RALGPS1: variants seen among roughly 807,000 people sequenced by gnomAD.
The protein encoded by RALGPS1 is ras-specific guanine nucleotide-releasing factor RalGPS1.
In RALGPS1, 19 loss-of-function variants were observed where a neutral mutation model predicts 78.8. That is an observed-to-expected ratio of 0.24 (90% confidence interval 0.17 to 0.35). The LOEUF (loss-of-function observed/expected upper bound fraction) is 0.35. Ranked by LOEUF, RALGPS1 falls within the 10% of genes least tolerant of loss-of-function variation. The pLI is 1.00. For synonymous variants in RALGPS1, 228 were observed against 256.3 expected, an observed-to-expected ratio of 0.89 and a Z score of 1.06; for missense variants, 454 against 688.3, an observed-to-expected ratio of 0.66 and a Z score of 3.81.
At chr9:127,043,139 G>C (rs1157254538) in intron 5 of RALGPS1, among the ~76,000 whole-genome samples, 1 of 152,092 alleles carries the variant, frequency 6.6e-6, no homozygotes, top group Non-Finnish European at 1.5e-5. Context: ...CAAAATCCTA[G>C]AAAGCTGTTT....
chr9:126,954,820 C>T (rs887643610), intron 1 of RALGPS1, among the ~76,000 whole-genome samples: 2 of 152,138 alleles, frequency 1.3e-5, no homozygotes, highest in Admixed American at 1.3e-4. Context: ...AAAGGAAGAA[C>T]CTCTCTAGCA....
intron 4 of RALGPS1, among the ~76,000 whole-genome samples, chr9:127,024,036 C>CAAAAAAAAAAAA (rs61549879): frequency 1.7e-4 from 12 of 71,634 alleles, no homozygotes; most frequent in East Asian, 1.5e-3. Context: ...GACTCTGTCT[C>CAAAAAAAAAAAA]AAAAAAAAAA....
At position 127,091,438 on chromosome 9, in the gene RALGPS1, C is replaced by G. The variant is rs1362321157; in HGVS notation, c.610+22082C>G. 6.6e-6 allele frequency among the ~76,000 whole-genome samples: 1 copy of G among 152,110 alleles called. No individual in the cohort carries two copies. The highest frequency in any genetic ancestry group is 1.5e-5 in the Non-Finnish European group (1 of 67,974). On this transcript the variant is annotated intron_variant, in intron 8 of 18. Transcript: ENST00000259351. The surrounding 1 kb of genome is among the most constrained non-coding windows in gnomAD (Gnocchi z 4.3). ...TTTGTATACCTCTTTATGTCTCGCC[C>G]CATCCCATTTTTTTTTTCTTAATTT...
intron 1 of RALGPS1, among the ~76,000 whole-genome samples, chr9:126,942,169 T>C (rs2036852722): frequency 6.6e-6 from 1 of 152,220 alleles, no homozygotes; most frequent in African/African-American, 2.4e-5. Context: ...AAACACCCTT[T>C]TCCCAGTTTA....
intron 1 of RALGPS1, among the ~76,000 whole-genome samples, chr9:126,932,688 A>G (rs2035895987): frequency 6.6e-6 from 1 of 151,974 alleles, no homozygotes; most frequent in South Asian, 2.1e-4. Context: ...TATATAATGT[A>G]CATTATAAAA....
intron 1 of RALGPS1, among the ~76,000 whole-genome samples, chr9:126,946,589 A>G (rs1776536039): frequency 1.3e-5 from 2 of 151,584 alleles, no homozygotes; most frequent in Admixed American, 6.6e-5. Flanking sequence ...GGAAAAGGAA[A>G]TGGGGGGTTG....
chr9:127,179,825 C>T (rs1379281534), intron 11 of RALGPS1, among the ~76,000 whole-genome samples: 1 of 152,198 alleles, frequency 6.6e-6, no homozygotes, highest in African/African-American at 2.4e-5. Flanking sequence ...ACCCCTCTAC[C>T]CAGCCTACCT....
chr9:127,126,962 C>T (rs2056660179), intron 8 of RALGPS1, among the ~76,000 whole-genome samples: 1 of 152,092 alleles, frequency 6.6e-6, no homozygotes, highest in Non-Finnish European at 1.5e-5. Flanking sequence ...TCTGTATTTT[C>T]TTGTCTTCCT....
At chr9:127,020,397 A>C (rs1046865156) in intron 4 of RALGPS1, among the ~76,000 whole-genome samples, 2 of 152,256 alleles carry the variant, frequency 1.3e-5, no homozygotes, top group Admixed American at 1.3e-4. Flanking sequence ...ATGAGGATCA[A>C]CATTAAGAAA....
chr9:127,146,084 CTT>C (rs1276610344), intron 8 of RALGPS1, among the ~76,000 whole-genome samples: 2 of 152,120 alleles, frequency 1.3e-5, no homozygotes, highest in East Asian at 3.8e-4. Context: ...AAATTTCAAA[CTT>C]TTATTTTAGA....
chr9:127,211,051 G>A lies in RALGPS1; in HGVS notation c.1248-1080G>A, dbSNP rs1343274075. 1.3e-5 allele frequency among the ~76,000 whole-genome samples: 2 copies of A among 152,222 alleles called. No homozygotes were observed. Among genetic ancestry groups the A allele is most frequent in the Non-Finnish European group, 2.9e-5 (2 of 68,046 alleles). On this transcript the variant is annotated intron_variant, in intron 14 of 18. Transcript: ENST00000259351. The surrounding 1 kb of genome is among the most constrained non-coding windows in gnomAD (Gnocchi z 5.0). ...TCGCCAAATAATTGGAAGTGGAGGG[G>A]CAATGAGAATGTTCCCAGCAAAGGG...
At position 126,973,314 on chromosome 9, in the gene RALGPS1, C is replaced by A. The variant is rs530087936; in HGVS notation, c.166-4381C>A. Among the ~76,000 whole-genome samples the A allele has an allele frequency of 3.0e-4, 46 of 152,234 alleles. 1 individual carries two copies. The South Asian group carries it at 7.7e-3, about 25-fold the overall frequency. On this transcript the variant is annotated intron_variant, in intron 3 of 18. Transcript: ENST00000259351. ...AACCCAGAATTTTGAGGTTAGCTCA[C>A]TAGGTATGATCACACCACTGCATTC...
intron 11 of RALGPS1, among the ~76,000 whole-genome samples, chr9:127,176,086 C>T (rs2059855419): frequency 6.6e-6 from 1 of 152,130 alleles, no homozygotes; most frequent in Non-Finnish European, 1.5e-5. Context: ...TCCAGCACCC[C>T]TGGGGGCCTC....
intron 5 of RALGPS1, among the ~76,000 whole-genome samples, chr9:127,049,756 G>A (rs1399470980): frequency 6.6e-6 from 1 of 152,174 alleles, no homozygotes; most frequent in South Asian, 2.1e-4. Flanking sequence ...CTCTTCTCGA[G>A]ACTCGTGTCA....
intron 1 of RALGPS1, among the ~76,000 whole-genome samples, chr9:126,936,120 G>C (rs1421293922): frequency 6.6e-6 from 1 of 152,256 alleles, no homozygotes; most frequent in Non-Finnish European, 1.5e-5. Context: ...GATGACAGCT[G>C]ACCAGTCATC....
chr9:127,034,500 C>A lies in RALGPS1; in HGVS notation c.286C>A (p.Arg96=), dbSNP rs762196220. The change falls in exon 5 of 19, where the codon CGG becomes AGG. Residue 96 remains arginine (R), a synonymous_variant. Coordinates refer to ENST00000259351, the MANE Select transcript of RALGPS1 (RefSeq NM_014636.3). ...SLAPNVVAFT[R]RFNQVSFWVV... The stretch of plus-strand genomic sequence containing the variant: ...TGCCCCTAACGTTGTGGCCTTTACC[C>A]GGAGGTTTAACCAGGTAAGCAACAC... The A allele has an allele frequency of 3.1e-6, 5 of 1,613,988 alleles. No individual in the cohort carries two copies. The highest frequency in any genetic ancestry group is 3.4e-6 in the Non-Finnish European group (4 of 1,179,894).
At chr9:127,097,279 A>G (rs2053236520) in intron 8 of RALGPS1, among the ~76,000 whole-genome samples, 1 of 152,246 alleles carries the variant, frequency 6.6e-6, no homozygotes, top group South Asian at 2.1e-4. Flanking sequence ...TTTTTTAAAA[A>G]AGGCAAACGG....
At chr9:127,014,099 T>C (rs537429657) in intron 4 of RALGPS1, among the ~76,000 whole-genome samples, 2 of 152,296 alleles carry the variant, frequency 1.3e-5, no homozygotes, top group East Asian at 3.9e-4. Flanking sequence ...GATTAAAGGA[T>C]GCAGGTGACA....
At chr9:127,106,893 C>T (rs1037450497) in intron 8 of RALGPS1, 1 of 152,168 alleles carries the variant, frequency 6.6e-6, no homozygotes, top group African/African-American at 2.4e-5. Context: ...CTCTCCCTGC[C>T]TATACAATGA....
Sources: gnomAD v4.1 joint callset for allele counts (sites outside exome capture counted in the v4.1 genomes callset) on GRCh38, gnomAD v4.1.1 for gene constraint, Gnocchi (gnomAD v3.1) non-coding constraint, MANE v1.5 for transcripts, NCBI Gene and HGNC (gene_info 2026-07-23, HGNC 2026-07-21) for gene names.